MLXIPL: variants seen among roughly 807,000 people sequenced by gnomAD.
The protein encoded by MLXIPL is carbohydrate-responsive element-binding protein.
MLXIPL carries 49 observed loss-of-function variants against 81.5 expected under a neutral mutation model. That is an observed-to-expected ratio of 0.60 (90% CI 0.48 to 0.76). The LOEUF (loss-of-function observed/expected upper bound fraction) is 0.76, where lower values mean the gene tolerates loss of function less well. Among genes scored for constraint, MLXIPL ranks in the 30% least tolerant of loss-of-function variants. MLXIPL has a pLI of 0.00. For missense variants in MLXIPL, 1,053 were observed against 1,167.0 expected, an observed-to-expected ratio of 0.90 and a Z score of 1.42; for synonymous variants, 466 against 485.5, an observed-to-expected ratio of 0.96 and a Z score of 0.53.
At chr7:73,617,388 C>G (rs1796068880) in intron 1 of MLXIPL, among the ~76,000 whole-genome samples, 2 of 152,054 alleles carry the variant, frequency 1.3e-5, no homozygotes, top group Admixed American at 6.6e-5. Flanking sequence ...TCTGCCATGC[C>G]CAGAATCCCA....
At chr7:73,642,013 A>G in the MLXIPL span, among the ~76,000 whole-genome samples, 1 of 152,190 alleles carries the variant, frequency 6.6e-6, no homozygotes, top group African/African-American at 2.4e-5. Flanking sequence ...CCTCTACTTC[A>G]GATAGCAGTC....
chr7:73,595,696 G>A lies in MLXIPL; in HGVS notation c.2251C>T (p.Arg751Ter), dbSNP rs781801285. ...CGGACGTAGTCATCAAACATGTCTC[G>A]CATCTGGTCAAAACGCTGGTGTGTG... ...PITHQRFDQM[R>*]DMFDDYVRTR... Residue 751 changes from arginine to a stop codon, truncating the protein, a stop_gained, in exon 15 of 17, where the codon CGA (arginine) becomes TGA (stop). Coordinates refer to ENST00000313375, the MANE Select transcript of MLXIPL (RefSeq NM_032951.3). LOFTEE classifies it high-confidence loss of function. The A allele has an allele frequency of 1.9e-6, 3 of 1,614,112 alleles. No individual in the cohort carries two copies. Among genetic ancestry groups the A allele is most frequent in the East Asian group, 2.2e-5 (1 of 44,876 alleles).
At position 73,593,775 on chromosome 7, in the gene MLXIPL, G is replaced by A; in HGVS notation, c.*90C>T. On this transcript the variant is annotated 3_prime_UTR_variant, in exon 17 of 17. Coordinates refer to ENST00000313375, the MANE Select transcript of MLXIPL (RefSeq NM_032951.3). Reference sequence around the variant, plus strand: ...AGGGCAGAGCCAGGGCCTGGGGCAGGAAGGGAGTGCCCAGAGATGATCCCT... The same window carrying A: ...AGGGCAGAGCCAGGGCCTGGGGCAGAAAGGGAGTGCCCAGAGATGATCCCT... 8.6e-7 allele frequency: 1 copy of A among 1,168,800 alleles called. No individual in the cohort carries two copies. 72.4% of individuals were successfully genotyped at this position (1,168,800 alleles called of 1,614,324 possible). A position where few individuals can be genotyped will look rare whatever the true frequency, so the allele number is the denominator to read the frequency against.
At chr7:73,601,176 A>AGAGT (rs1794788714) in intron 7 of MLXIPL, among the ~76,000 whole-genome samples, 4 of 137,654 alleles carry the variant, frequency 2.9e-5, no homozygotes, top group African/African-American at 1.1e-4. Context: ...TGCAGGGTCA[A>AGAGT]GTGTGTGTGT....
At position 73,607,853 on chromosome 7, in the gene MLXIPL, CT is replaced by C. The variant is rs1166806013; in HGVS notation, c.401-182del. 3.4e-3 allele frequency among the ~76,000 whole-genome samples: 377 copies of C among 110,344 alleles called. 2 individuals are homozygous for C. Among genetic ancestry groups the C allele is most frequent in the African/African-American group, 0.01 (274 of 26,632 alleles). The allele number at this position is 110,344 out of a possible 152,430, so 72.4% of individuals were successfully genotyped here. A position where few individuals can be genotyped will look rare whatever the true frequency, so the allele number is the denominator to read the frequency against. On this transcript the variant is annotated intron_variant, in intron 2 of 16. Coordinates refer to ENST00000313375, the MANE Select transcript of MLXIPL (RefSeq NM_032951.3). The stretch of plus-strand genomic sequence containing the variant: ...TGATGCTCTAGCCTCCTAGATCTTC[CT>C]TTTTTTTTTTTTTTTTTTGGAGATA...
intron 7 of MLXIPL, among the ~76,000 whole-genome samples, chr7:73,604,608 A>G (rs782520245): frequency 6.6e-6 from 1 of 152,060 alleles, no homozygotes; most frequent in Non-Finnish European, 1.5e-5. Flanking sequence ...TAAAATAGAA[A>G]CATAACAGAA....
intron 7 of MLXIPL, among the ~76,000 whole-genome samples, chr7:73,600,176 C>T (rs1280816410): frequency 4.6e-5 from 7 of 151,098 alleles, no homozygotes; most frequent in African/African-American, 9.7e-5. Flanking sequence ...TGAGGGGGAA[C>T]GTGAGGTCAC....
chr7:73,620,849 G>C (rs947015691), intron 1 of MLXIPL, among the ~76,000 whole-genome samples: 1 of 148,800 alleles, frequency 6.7e-6, no homozygotes, highest in Non-Finnish European at 1.5e-5. Context: ...TCAGGGGTTC[G>C]AGACCAGCCT....
upstream of MLXIPL, among the ~76,000 whole-genome samples, chr7:73,626,214 G>A (rs1204275991): frequency 6.6e-6 from 1 of 152,118 alleles, no homozygotes; most frequent in Non-Finnish European, 1.5e-5. Flanking sequence ...ATGCTGGCCA[G>A]GCTGGTCTCA....
chr7:73,639,613 T>TA, the MLXIPL span, among the ~76,000 whole-genome samples: 295 of 144,856 alleles, frequency 2.0e-3, no homozygotes, highest in African/African-American at 5.0e-3. Context: ...ACCCTATCTT[T>TA]AAAAAAAAAA....
At chr7:73,622,092 CA>C (rs1466030148) in intron 1 of MLXIPL, among the ~76,000 whole-genome samples, 4 of 138,506 alleles carry the variant, frequency 2.9e-5, no homozygotes, top group African/African-American at 1.1e-4. Context: ...GTGGCACCAT[CA>C]TGTCTTACTG....
the MLXIPL span, among the ~76,000 whole-genome samples, chr7:73,640,509 G>A: frequency 6.6e-6 from 1 of 152,142 alleles, no homozygotes; most frequent in Non-Finnish European, 1.5e-5. Context: ...GGGCGTGGTG[G>A]CTCACGCTTG....
In MLXIPL at chr7:73,596,312, CAGG is replaced by C. The variant is rs568977851; in HGVS notation, c.1939-43_1939-41del. On this transcript the variant is annotated intron_variant, in intron 12 of 16. Transcript: ENST00000313375. This position sits in a 1 kb window ranked among gnomAD's most constrained non-coding sequence, Gnocchi z 4.7. Reference sequence around the variant, plus strand: ...AGTTGGGTGAGCCTAGGAAGGAGCCCAGGAGGGCCTGGGGGTAGCAAACCGATC... The same window carrying C: ...AGTTGGGTGAGCCTAGGAAGGAGCCCAGGGCCTGGGGGTAGCAAACCGATC... 1.8e-5 allele frequency: 28 copies of C among 1,599,612 alleles called. 1 individual carries two copies. In the Admixed American group the frequency reaches 4.4e-4, roughly 25 times the overall value.
In MLXIPL at chr7:73,605,998, G is replaced by T. The variant is rs34922362; in HGVS notation, c.732C>A (p.Asp244Glu). 3.2e-3 allele frequency: 5,103 copies of T among 1,589,586 alleles called. 155 individuals are homozygous for T. The African/African-American group carries it at 0.061, about 19-fold the overall frequency. ...EEEPGGRQLL[D>E]LNCFLSDISD... Reference sequence around the variant, plus strand: ...AGATGTCGGACAAAAAGCAATTGAGGTCCAGGAGCTGCCGCCCACCCGGCT... The same window carrying T: ...AGATGTCGGACAAAAAGCAATTGAGTTCCAGGAGCTGCCGCCCACCCGGCT... Residue 244 changes from aspartate (D) to glutamate (E), a missense_variant, in exon 6 of 17, where the codon GAC becomes GAA. By Grantham distance (45) the Asp-to-Glu change is conservative (BLOSUM62 2). Coordinates refer to ENST00000313375, the MANE Select transcript of MLXIPL (RefSeq NM_032951.3).
At chr7:73,595,485 C>T (rs1360519478) in intron 15 of MLXIPL, 152 bp downstream of exon 15, 1 of 1,561,186 alleles carries the variant, frequency 6.4e-7, no homozygotes, top group African/African-American at 1.4e-5. Flanking sequence ...ATGGCCAGGG[C>T]ATGGAAGCAG....
chr7:73,621,867 CCCT>C (rs1420170375), intron 1 of MLXIPL, among the ~76,000 whole-genome samples: 1 of 97,714 alleles, frequency 1.0e-5, no homozygotes, highest in Non-Finnish European at 2.2e-5. Context: ...CCTTCTCCCT[CCCT>C]CCTCCATCTC....
rs782148425 is a variant in MLXIPL at position 73,607,656 on chromosome 7, C to T, written c.417G>A (p.Lys139=). The T allele has an allele frequency of 6.2e-7, 1 of 1,613,418 alleles. No individual in the cohort carries two copies. The highest frequency in any genetic ancestry group is 8.5e-7 in the Non-Finnish European group (1 of 1,179,990). ...AWYIQYVKRR[K]SPVCGFVTPL... is the part of the protein sequence containing the mutation. ...GGGTCACGAAGCCACACACGGGGCT[C>T]TTCCTCCGCTTCACATCTGAGAGAA... is the stretch of plus-strand genomic sequence containing the variant. Residue 139 remains lysine, a synonymous_variant, in exon 3 of 17, where the codon AAG becomes AAA. Coordinates refer to ENST00000313375, the MANE Select transcript of MLXIPL (RefSeq NM_032951.3).
chr7:73,602,118 GCCTGCCTGCCTGCCTTCCTT>G (rs1794892229), intron 7 of MLXIPL, among the ~76,000 whole-genome samples: 4 of 49,068 alleles, frequency 8.2e-5, no homozygotes, highest in African/African-American at 2.0e-4. Flanking sequence ...CTGCCTGCCT[GCCTGCCTGCCTGCCTTCCTT>G]CCTTCCTTCC....
intron 2 of MLXIPL, among the ~76,000 whole-genome samples, chr7:73,608,509 C>T (rs1795474577): frequency 6.6e-6 from 1 of 152,008 alleles, no homozygotes; most frequent in Admixed American, 6.6e-5. Flanking sequence ...ATCGCTTGAA[C>T]CTGGGAGGTG....
Sources: allele counts gnomAD v4.1 joint callset (sites outside exome capture counted in the v4.1 genomes callset), GRCh38; gene constraint gnomAD v4.1.1; non-coding constraint Gnocchi (gnomAD v3.1); transcripts MANE v1.5; gene names NCBI Gene and HGNC (gene_info 2026-07-23, HGNC 2026-07-21).